Variants in NINJ2 observed in about 807,000 individuals in gnomAD.
NINJ2 encodes ninjurin-2.
NINJ2 carries 12 observed loss-of-function variants against 11.7 expected under a neutral mutation model. The observed-to-expected ratio is 1.02, with a 90% CI of 0.66 to 1.66. The LOEUF is 1.66. NINJ2 is among the 40% of genes most tolerant of loss of function. The probability of loss-of-function intolerance (pLI) is 0.00; values close to 1 mark genes in which losing one functional copy is unlikely to be tolerated. For synonymous variants in NINJ2, 93 were observed against 76.8 expected (o/e 1.21, Z -1.10); for missense variants, 187 against 181.8 (o/e 1.03, Z -0.16).
intron 1 of NINJ2, among the ~76,000 whole-genome samples, chr12:609,440 G>C (rs1017556866): frequency 1.2e-4 from 18 of 152,194 alleles, no homozygotes; most frequent in African/African-American, 4.3e-4. Flanking sequence ...TAGTCCTTGT[G>C]AGCTGAGCAA....
rs1338230252 is a variant in NINJ2, at chr12:614,742, C to A, written c.34-48564G>T. On this transcript the variant is annotated intron_variant, in intron 1 of 3. Coordinates refer to ENST00000305108, the MANE Select transcript of NINJ2 (RefSeq NM_016533.6). The surrounding 1 kb of genome is among the most constrained non-coding windows in gnomAD (Gnocchi z 5.1). ...GCTTGACACCTCAGGGCTCGGCCTG[C>A]CTGTTTTTTGAGCTGTGTTTGCACC... 6.6e-6 allele frequency among the ~76,000 whole-genome samples: 1 copy of A among 152,166 alleles called. No individual in the cohort carries two copies. Among genetic ancestry groups the A allele is most frequent in the Non-Finnish European group, 1.5e-5 (1 of 68,050 alleles).
At chr12:602,951 A>G (rs192859743) in intron 1 of NINJ2, among the ~76,000 whole-genome samples, 174 of 151,668 alleles carry the variant, frequency 1.1e-3, no homozygotes, top group African/African-American at 4.1e-3. Flanking sequence ...TCCCACCCCA[A>G]CCTCTTGACT....
intron 1 of NINJ2, among the ~76,000 whole-genome samples, chr12:657,046 CATAAATG>C (rs1231975714): frequency 6.6e-6 from 1 of 152,140 alleles, no homozygotes; most frequent in East Asian, 1.9e-4. Context: ...CTATAAAACT[CATAAATG>C]ATAATATAGG....
At chr12:612,849 T>A (rs1948049883) in intron 1 of NINJ2, among the ~76,000 whole-genome samples, 1 of 152,116 alleles carries the variant, frequency 6.6e-6, no homozygotes. Context: ...GCACACCGGG[T>A]CCTCTCCGTC....
intron 1 of NINJ2, chr12:630,909 C>T (rs1272133208): frequency 5.3e-5 from 8 of 152,288 alleles, no homozygotes; most frequent in Non-Finnish European, 1.0e-4. Flanking sequence ...GCCTGACGTT[C>T]TAGGGGGGAG....
chr12:651,359 A>C (rs1488522332), intron 1 of NINJ2, among the ~76,000 whole-genome samples: 3 of 152,064 alleles, frequency 2.0e-5, no homozygotes, highest in Non-Finnish European at 4.4e-5. Flanking sequence ...ATTGCAGCGC[A>C]CTCTAGCTGT....
chr12:633,012 TA>T lies in NINJ2; in HGVS notation c.33+30315del. Among the ~76,000 whole-genome samples, 1 of 152,250 alleles carries T rather than the reference TA, an allele frequency of 6.6e-6. No homozygotes were observed. The highest frequency in any genetic ancestry group is 1.9e-4 in the East Asian group (1 of 5,182). Reference sequence around the variant, plus strand: ...ATCTCACAAGATCTTAGATCCAGTGTATTTTCTGTCAGTAGATTTCAATCAG... The same window carrying T: ...ATCTCACAAGATCTTAGATCCAGTGTTTTTCTGTCAGTAGATTTCAATCAG... On this transcript the variant is annotated intron_variant, in intron 1 of 3. Coordinates refer to ENST00000305108, the MANE Select transcript of NINJ2 (RefSeq NM_016533.6). The surrounding 1 kb of genome is among the most constrained non-coding windows in gnomAD (Gnocchi z 4.3).
chr12:587,992 G>C (rs11503082), intron 1 of NINJ2, among the ~76,000 whole-genome samples: 1 of 151,874 alleles, frequency 6.6e-6, no homozygotes, highest in Non-Finnish European at 1.5e-5. Flanking sequence ...GGGAGGGGAC[G>C]ACCTACACAG....
intron 1 of NINJ2, among the ~76,000 whole-genome samples, chr12:570,502 C>A (rs764526268): frequency 6.6e-6 from 1 of 152,210 alleles, no homozygotes; most frequent in East Asian, 1.9e-4. Flanking sequence ...GAGTGGGGAG[C>A]GCAGCAGGGT....
chr12:591,863 C>T lies in NINJ2; in HGVS notation c.34-25685G>A, dbSNP rs916927506. On this transcript the variant is annotated intron_variant, in intron 1 of 3. Coordinates refer to ENST00000305108, the MANE Select transcript of NINJ2 (RefSeq NM_016533.6). The surrounding 1 kb of genome is among the most constrained non-coding windows in gnomAD (Gnocchi z 5.0). ...AAGCCTTCTGAAAGAGTGACGTGGC[C>T]GGCGGCAGGTATGGTGTGTGACTTA... 2.6e-5 allele frequency among the ~76,000 whole-genome samples: 4 copies of T among 152,072 alleles called. No individual in the cohort carries two copies. Among genetic ancestry groups the T allele is most frequent in the South Asian group, 2.1e-4 (1 of 4,818 alleles).
chr12:619,584 C>A (rs762436525), intron 1 of NINJ2, among the ~76,000 whole-genome samples: 1 of 152,146 alleles, frequency 6.6e-6, no homozygotes, highest in African/African-American at 2.4e-5. Flanking sequence ...ATATTGCCTG[C>A]GGAGTCCTCC....
intron 1 of NINJ2, among the ~76,000 whole-genome samples, chr12:657,460 A>C (rs1314321132): frequency 6.6e-6 from 1 of 152,080 alleles, no homozygotes; most frequent in African/African-American, 2.4e-5. Flanking sequence ...ATGGTGGCGC[A>C]TGCCTGTAGT....
chr12:651,585 C>G (rs957672565), intron 1 of NINJ2, among the ~76,000 whole-genome samples: 10 of 152,090 alleles, frequency 6.6e-5, no homozygotes, highest in Non-Finnish European at 1.2e-4. Flanking sequence ...AAGGCAAAAA[C>G]CACAATTGGA....
rs1322468488 is a variant in NINJ2, at chr12:628,914, G to T, written c.33+34414C>A. On this transcript the variant is annotated intron_variant, in intron 1 of 3. Coordinates refer to ENST00000305108, the MANE Select transcript of NINJ2 (RefSeq NM_016533.6). The surrounding 1 kb of genome is among the most constrained non-coding windows in gnomAD (Gnocchi z 4.4). ...AAAAGAAGGAGGAGTCCTCAACTGG[G>T]GGAGGGGGAAAATCTCCATCTCCTT... Among the ~76,000 whole-genome samples, 2 of 152,178 alleles carry T rather than the reference G, an allele frequency of 1.3e-5. No individual in the cohort carries two copies. Among genetic ancestry groups the T allele is most frequent in the Non-Finnish European group, 2.9e-5 (2 of 68,032 alleles).
intron 1 of NINJ2, among the ~76,000 whole-genome samples, chr12:625,206 G>A (rs1368849016): frequency 6.6e-6 from 1 of 152,076 alleles, no homozygotes; most frequent in African/African-American, 2.4e-5. Flanking sequence ...TCTGAAGGAT[G>A]GGTAAGAGTT....
chr12:645,930 G>A, intron 1 of NINJ2: 1 of 152,204 alleles, frequency 6.6e-6, no homozygotes, highest in East Asian at 1.9e-4. Flanking sequence ...CAAGGGAGCA[G>A]ATAAGTAGGT....
At chr12:643,600 G>A (rs753962072) in intron 1 of NINJ2, 12 of 988,074 alleles carry the variant, frequency 1.2e-5, no homozygotes, top group Non-Finnish European at 1.4e-5. Context: ...TCGGAGAGAT[G>A]AAGCGTTGTA....
At chr12:655,959 A>G (rs1377423339) in intron 1 of NINJ2, among the ~76,000 whole-genome samples, 1 of 152,110 alleles carries the variant, frequency 6.6e-6, no homozygotes, top group Non-Finnish European at 1.5e-5. Context: ...ATAAATAGAT[A>G]GATAGATATT....
At chr12:577,448 T>TATACATATATATG in intron 1 of NINJ2, among the ~76,000 whole-genome samples, 4 of 141,970 alleles carry the variant, frequency 2.8e-5, no homozygotes, top group Non-Finnish European at 6.2e-5. Context: ...TATATAAATA[T>TATACATATATATG]TTTGGCACGA....
Sources: allele counts gnomAD v4.1 joint callset (sites outside exome capture counted in the v4.1 genomes callset), GRCh38; gene constraint gnomAD v4.1.1; non-coding constraint Gnocchi (gnomAD v3.1); transcripts MANE v1.5; gene names NCBI Gene and HGNC (gene_info 2026-07-23, HGNC 2026-07-21).